The following OSBP2 variants were observed in gnomAD, a reference collection of about 807,000 sequenced individuals.
OSBP2 encodes oxysterol binding protein 2.
A neutral mutation model predicts 96.0 loss-of-function variants in OSBP2; 66 were observed. That is an observed-to-expected ratio of 0.69 (90% CI 0.56 to 0.84). OSBP2 has a LOEUF of 0.84. Ranked by LOEUF, OSBP2 falls within the 40% of genes least tolerant of loss-of-function variation. The probability of loss-of-function intolerance (pLI) is 0.00; values close to 1 mark genes in which losing one functional copy is unlikely to be tolerated. For missense variants in OSBP2, 1,038 were observed against 1,222.7 expected (o/e 0.85, Z 2.25); for synonymous variants, 525 against 520.9 (o/e 1.01, Z -0.11).
At chr22:30,864,736 C>G (rs926635645) in intron 2 of OSBP2, among the ~76,000 whole-genome samples, 44 of 152,266 alleles carry the variant, frequency 2.9e-4, no homozygotes, top group African/African-American at 1.0e-3. Context: ...ACTCATCCAG[C>G]CCAGCACTGG....
intron 1 of OSBP2, among the ~76,000 whole-genome samples, chr22:30,704,148 C>T (rs941666611): frequency 2.6e-5 from 4 of 152,120 alleles, no homozygotes; most frequent in Admixed American, 2.6e-4. Context: ...CTCAATGACC[C>T]ACTAGGAGGA....
At chr22:30,877,091 C>T (rs376082314) in intron 3 of OSBP2, among the ~76,000 whole-genome samples, 22 of 152,172 alleles carry the variant, frequency 1.4e-4, no homozygotes, top group African/African-American at 4.6e-4. Flanking sequence ...TCACAATCCC[C>T]GTAGCCCTGT....
intron 1 of OSBP2, among the ~76,000 whole-genome samples, chr22:30,707,443 A>G (rs2089272151): frequency 1.3e-5 from 2 of 151,904 alleles, no homozygotes; most frequent in Non-Finnish European, 2.9e-5. Flanking sequence ...GGCCCAGTGC[A>G]GTGGCTCACA....
At position 30,853,774 on chromosome 22, in the gene OSBP2, C is replaced by CT. The variant is rs35208155; in HGVS notation, c.854-16643dup. Among the ~76,000 whole-genome samples the CT allele has an allele frequency of 6.0e-3, 833 of 138,632 alleles. 2 individuals are homozygous for CT. The highest frequency in any genetic ancestry group is 9.8e-3 in the Non-Finnish European group (631 of 64,476). The allele number at this position is 138,632 out of a possible 152,430, so 90.9% of individuals were successfully genotyped here. A position where few individuals can be genotyped will look rare whatever the true frequency, so the allele number is the denominator to read the frequency against. ...CTATTCACCTCTTTTTTCTTTCTTT[C>CT]TTTTTTTTTTTTGAGACAGAGTCTC... is the stretch of plus-strand genomic sequence containing the variant. On this transcript the variant is annotated intron_variant, in intron 2 of 13. Transcript: ENST00000332585.
intron 1 of OSBP2, among the ~76,000 whole-genome samples, chr22:30,720,978 A>C (rs945288862): frequency 6.6e-5 from 10 of 152,180 alleles, no homozygotes; most frequent in African/African-American, 2.4e-4. Context: ...TAATCCCAAC[A>C]CTGTGGGAGG....
intron 1 of OSBP2, among the ~76,000 whole-genome samples, chr22:30,732,667 A>G (rs1198213725): frequency 1.3e-5 from 2 of 152,202 alleles, no homozygotes; most frequent in Non-Finnish European, 2.9e-5. Context: ...AAGGGCAACC[A>G]TGCGTGATGG....
intron 2 of OSBP2, among the ~76,000 whole-genome samples, chr22:30,814,022 G>C (rs1043848045): frequency 5.7e-4 from 86 of 151,830 alleles, no homozygotes; most frequent in African/African-American, 2.0e-3. Flanking sequence ...GGCTGGTCTC[G>C]AACTCCTGAC....
chr22:30,740,083 G>T (rs977618343), intron 1 of OSBP2, among the ~76,000 whole-genome samples: 2 of 152,170 alleles, frequency 1.3e-5, no homozygotes, highest in African/African-American at 4.8e-5. Context: ...GACCTCGGGT[G>T]ATCTGCCCAT....
At chr22:30,839,616 T>C (rs2038706297) in intron 2 of OSBP2, among the ~76,000 whole-genome samples, 1 of 152,110 alleles carries the variant, frequency 6.6e-6, no homozygotes, top group African/African-American at 2.4e-5. Context: ...TGAGCATTTT[T>C]TCATGTGTCT....
At position 30,890,929 on chromosome 22, in the gene OSBP2, C is replaced by G. The variant is rs756059349; in HGVS notation, c.1825C>G (p.Leu609Val). The G allele has an allele frequency of 2.5e-6, 4 of 1,612,100 alleles. No individual in the cohort carries two copies. Among genetic ancestry groups the G allele is most frequent in the Non-Finnish European group, 3.4e-6 (4 of 1,180,028 alleles). The change falls in exon 8 of 14, where the codon CTG (leucine) becomes GTG (valine). Residue 609 changes from leucine to valine, a missense_variant. Leu to Val is a conservative substitution (Grantham distance 32). Transcript: ENST00000332585. This position sits in a 1 kb window ranked among gnomAD's most constrained non-coding sequence, Gnocchi z 4.4. ...FNPMLGETFE[L>V]DRLDDMGLRS... The stretch of plus-strand genomic sequence containing the variant: ...CCCCATGCTGGGGGAGACCTTCGAG[C>G]TGGACCGCCTCGACGACATGGGCCT...
At chr22:30,798,558 T>C (rs567072576) in intron 2 of OSBP2, among the ~76,000 whole-genome samples, 1 of 152,380 alleles carries the variant, frequency 6.6e-6, no homozygotes, top group South Asian at 2.1e-4. Flanking sequence ...TAGTTTCAGC[T>C]CTCACATTTC....
chr22:30,828,132 TG>T (rs1477777475), intron 2 of OSBP2, among the ~76,000 whole-genome samples: 3 of 152,272 alleles, frequency 2.0e-5, no homozygotes, highest in South Asian at 2.1e-4. Context: ...AGAGGTGATC[TG>T]GGGGGATTCC....
chr22:30,900,980 CATA>C (rs2040180684), intron 12 of OSBP2, among the ~76,000 whole-genome samples: 2 of 152,146 alleles, frequency 1.3e-5, no homozygotes. Flanking sequence ...AGAAGGTAAT[CATA>C]ATATCTACCT....
intron 3 of OSBP2, among the ~76,000 whole-genome samples, chr22:30,875,454 C>T (rs2039559200): frequency 6.6e-6 from 1 of 152,002 alleles, no homozygotes. Context: ...CTCACCACAA[C>T]CTCGGCCTCC....
chr22:30,886,242 G>T (rs773119257), intron 3 of OSBP2, among the ~76,000 whole-genome samples: 13 of 152,190 alleles, frequency 8.5e-5, no homozygotes, highest in Non-Finnish European at 1.5e-4. Context: ...AGAAAGGCGG[G>T]ACAGCTCAAA....
At chr22:30,718,828 G>A (rs1303736484) in intron 1 of OSBP2, among the ~76,000 whole-genome samples, 1 of 152,188 alleles carries the variant, frequency 6.6e-6, no homozygotes, top group Non-Finnish European at 1.5e-5. Flanking sequence ...GGCAGCATGG[G>A]AACAGGGCTG....
intron 5 of OSBP2, among the ~76,000 whole-genome samples, 195 bp from the exon 6 acceptor site, chr22:30,888,982 T>A (rs1349101513): frequency 6.6e-6 from 1 of 152,182 alleles, no homozygotes; most frequent in Non-Finnish European, 1.5e-5. Flanking sequence ...TATGATAGTC[T>A]TATGGGACCA....
chr22:30,752,865 T>C (rs1218954231), intron 2 of OSBP2, among the ~76,000 whole-genome samples: 1 of 152,198 alleles, frequency 6.6e-6, no homozygotes, highest in Non-Finnish European at 1.5e-5. Flanking sequence ...GATACTATAC[T>C]AGAGTCAGGC....
chr22:30,878,838 G>A (rs1003625040), intron 3 of OSBP2, among the ~76,000 whole-genome samples: 2 of 152,134 alleles, frequency 1.3e-5, no homozygotes, highest in Non-Finnish European at 2.9e-5. Context: ...AAGGGCACCC[G>A]GCACAGCCAG....
Sources: gnomAD v4.1 joint callset for allele counts (sites outside exome capture counted in the v4.1 genomes callset) on GRCh38, gnomAD v4.1.1 for gene constraint, Gnocchi (gnomAD v3.1) non-coding constraint, MANE v1.5 for transcripts, NCBI Gene and HGNC (gene_info 2026-07-23, HGNC 2026-07-21) for gene names.